The following ZRANB3 variants were observed in gnomAD, a reference collection of about 807,000 sequenced individuals.
ZRANB3 encodes DNA annealing helicase and endonuclease ZRANB3.
Under a neutral mutation model 133.8 loss-of-function variants are expected in ZRANB3, and 125 were observed. The observed-to-expected ratio is 0.93, with a 90% CI of 0.81 to 1.08. The LOEUF is 1.08. Among genes scored for constraint, ZRANB3 ranks in the 50% least tolerant of loss-of-function variants. ZRANB3 has a pLI of 0.00. For synonymous variants in ZRANB3, 387 were observed against 432.7 expected (o/e 0.89, Z 1.31); for missense variants, 1,229 against 1,275.5 (o/e 0.96, Z 0.56).
chr2:135,215,215 G>A (rs1295954820), intron 17 of ZRANB3, among the ~76,000 whole-genome samples: 4 of 151,216 alleles, frequency 2.6e-5, no homozygotes, highest in Non-Finnish European at 5.9e-5. Flanking sequence ...ACCATGGCTA[G>A]CCAGTATTTT....
intron 6 of ZRANB3, among the ~76,000 whole-genome samples, chr2:135,340,662 G>A (rs1051846804): frequency 6.6e-6 from 1 of 152,126 alleles, no homozygotes. Flanking sequence ...TGGCCAACAT[G>A]GGGAAACCAT....
intron 12 of ZRANB3, among the ~76,000 whole-genome samples, chr2:135,251,106 G>A (rs1358641015): frequency 6.6e-6 from 1 of 152,226 alleles, no homozygotes; most frequent in Non-Finnish European, 1.5e-5. Context: ...GTGTTACCTG[G>A]ATGTAAGACC....
At chr2:135,276,831 C>T (rs965330105) in intron 8 of ZRANB3, among the ~76,000 whole-genome samples, 2 of 152,182 alleles carry the variant, frequency 1.3e-5, no homozygotes, top group Non-Finnish European at 2.9e-5. Flanking sequence ...ATTTACGTTG[C>T]AGTCACCTAA....
intron 18 of ZRANB3, among the ~76,000 whole-genome samples, chr2:135,208,585 A>T (rs1048311252): frequency 1.3e-5 from 2 of 152,260 alleles, no homozygotes; most frequent in Non-Finnish European, 2.9e-5. Context: ...TCGGGGACAG[A>T]GCCCAGATTT....
intron 8 of ZRANB3, among the ~76,000 whole-genome samples, chr2:135,276,195 A>G (rs1317475071): frequency 6.6e-6 from 1 of 152,026 alleles, no homozygotes; most frequent in Non-Finnish European, 1.5e-5. Flanking sequence ...GATTGAAAAC[A>G]GTAAGAAATC....
At chr2:135,240,888 C>T (rs1460971906) in intron 12 of ZRANB3, among the ~76,000 whole-genome samples, 1 of 152,184 alleles carries the variant, frequency 6.6e-6, no homozygotes, top group Non-Finnish European at 1.5e-5. Context: ...CCTCTCAAAT[C>T]CTTAAAGGCA....
intron 3 of ZRANB3, among the ~76,000 whole-genome samples, chr2:135,354,814 C>T (rs1433988788): frequency 2.0e-5 from 3 of 152,102 alleles, no homozygotes; most frequent in African/African-American, 7.2e-5. Context: ...GGAATGGAGT[C>T]GGTCTATACC....
chr2:135,423,541 C>T (rs1199505914), intron 2 of ZRANB3, among the ~76,000 whole-genome samples: 1 of 152,234 alleles, frequency 6.6e-6, no homozygotes, highest in Non-Finnish European at 1.5e-5. Context: ...TTGATCACAT[C>T]TGCAAAGACC....
chr2:135,293,075 T>C (rs1161563331), intron 8 of ZRANB3, among the ~76,000 whole-genome samples: 2 of 151,854 alleles, frequency 1.3e-5, no homozygotes, highest in Non-Finnish European at 2.9e-5. Flanking sequence ...CTTGGCAATG[T>C]GGGTTCTTTT....
chr2:135,493,098 AATATATATATATAT>A (rs66481237), intron 2 of ZRANB3, among the ~76,000 whole-genome samples: 4 of 57,528 alleles, frequency 7.0e-5, no homozygotes, highest in African/African-American at 1.5e-4. Context: ...GATGATACCA[AATATATATATATAT>A]ATATATATAT....
In ZRANB3 at chr2:135,198,917, G is replaced by C. The variant is rs183666947; in HGVS notation, c.*1425C>G. ...TGTAAAACACTAGCTATTAATTAAC[G>C]TGGGAAAATGCTCAAACTAAAGAGG... On this transcript the variant is annotated 3_prime_UTR_variant, in exon 21 of 21. Coordinates refer to ENST00000264159, the MANE Select transcript of ZRANB3 (RefSeq NM_032143.4). The C allele has an allele frequency of 2.0e-5, 3 of 152,036 alleles. No homozygotes were observed. Among genetic ancestry groups the C allele is most frequent in the African/African-American group, 7.2e-5 (3 of 41,398 alleles). The allele number at this position is 152,036 out of a possible 1,614,324, so 9.4% of individuals were successfully genotyped here.
intron 1 of ZRANB3, among the ~76,000 whole-genome samples, chr2:135,523,455 T>C (rs1471548192): frequency 1.3e-5 from 2 of 152,248 alleles, no homozygotes; most frequent in African/African-American, 4.8e-5. Context: ...TCTGTTAGAA[T>C]GTCTTCATAA....
At chr2:135,401,868 T>A (rs1015277103) in intron 2 of ZRANB3, among the ~76,000 whole-genome samples, 12 of 152,218 alleles carry the variant, frequency 7.9e-5, no homozygotes, top group African/African-American at 2.7e-4. Context: ...GTATAGGATA[T>A]GAATAAACTT....
intron 3 of ZRANB3, among the ~76,000 whole-genome samples, chr2:135,368,512 T>C (rs547841831): frequency 6.6e-6 from 1 of 152,090 alleles, no homozygotes; most frequent in South Asian, 2.1e-4. Flanking sequence ...AATAACAAAA[T>C]ATTATGAAAA....
At chr2:135,419,879 T>C (rs907777771) in intron 2 of ZRANB3, among the ~76,000 whole-genome samples, 3 of 151,710 alleles carry the variant, frequency 2.0e-5, no homozygotes, top group African/African-American at 7.3e-5. Context: ...GGCATTTGTG[T>C]CTAAGAATCC....
intron 3 of ZRANB3, among the ~76,000 whole-genome samples, chr2:135,370,163 T>C (rs1316778229): frequency 1.3e-5 from 2 of 151,822 alleles, no homozygotes; most frequent in Non-Finnish European, 2.9e-5. Flanking sequence ...CCTATTGTTC[T>C]ATAATCTTTT....
intron 2 of ZRANB3, among the ~76,000 whole-genome samples, chr2:135,397,260 T>C (rs534774606): frequency 6.6e-6 from 1 of 151,742 alleles, no homozygotes; most frequent in African/African-American, 2.4e-5. Flanking sequence ...GTGGGCAACA[T>C]AGCGAGACCT....
At chr2:135,208,122 G>A (rs1693954938) in intron 18 of ZRANB3, among the ~76,000 whole-genome samples, 4 of 152,174 alleles carry the variant, frequency 2.6e-5, no homozygotes, top group Admixed American at 2.6e-4. Context: ...ATCTGGAGAA[G>A]CTGTTAGAAA....
chr2:135,364,781 T>G (rs891863026), intron 3 of ZRANB3, among the ~76,000 whole-genome samples: 1 of 151,888 alleles, frequency 6.6e-6, no homozygotes, highest in Non-Finnish European at 1.5e-5. Context: ...CCAGGCACGG[T>G]GGCTAACGCC....
Sources: gnomAD v4.1 joint callset for allele counts (sites outside exome capture counted in the v4.1 genomes callset) on GRCh38, gnomAD v4.1.1 for gene constraint, MANE v1.5 for transcripts, NCBI Gene and HGNC (gene_info 2026-07-23, HGNC 2026-07-21) for gene names.